MVD: variants seen among roughly 807,000 people sequenced by gnomAD.
MVD encodes mevalonate diphosphate decarboxylase.
A neutral mutation model predicts 42.4 loss-of-function variants in MVD; 52 were observed. The ratio of observed to expected loss-of-function variants is 1.23; its 90% confidence interval spans 0.98 to 1.55. The LOEUF (loss-of-function observed/expected upper bound fraction) is 1.55. Among genes scored for constraint, MVD ranks in the 40% most tolerant of loss-of-function variants. MVD has a pLI of 0.00. For missense variants in MVD, 663 were observed against 572.1 expected (o/e 1.16, Z -1.62); for synonymous variants, 287 against 243.2 (o/e 1.18, Z -1.68).
chr16:88,653,627 G>A (rs532612121), intron 8 of MVD: 18 of 527,484 alleles, frequency 3.4e-5, no homozygotes, highest in Non-Finnish European at 4.0e-5. Flanking sequence ...CCCTGTGAAT[G>A]TCCTCAACAC....
In MVD at chr16:88,655,199, C is replaced by A; in HGVS notation, c.897G>T (p.Lys299Asn). 6.4e-7 allele frequency: 1 copy of A among 1,558,468 alleles called. No individual in the cohort carries two copies. The highest frequency in any genetic ancestry group is 2.4e-5 in the East Asian group (1 of 41,640). The change falls in exon 7 of 10, where the codon AAG becomes AAT. Residue 299 changes from lysine (K) to asparagine (N), a missense_variant and splice_region_variant. Transcript: ENST00000301012. The stretch of plus-strand genomic sequence containing the variant: ...CCTCTGCCCTCCCGGCCCGCGTCAC[C>A]TTGGTGTCCCCGTGGTGGGCGTTGA... ...HRFNAHHGDT[K>N]VAYTFDAGPN...
chr16:88,659,756 G>A (rs1006287086), intron 1 of MVD, among the ~76,000 whole-genome samples: 4 of 151,916 alleles, frequency 2.6e-5, no homozygotes, highest in African/African-American at 4.8e-5. Flanking sequence ...ACCTGAGGTC[G>A]GGAGTTTGAG....
In MVD at chr16:88,652,532, G is replaced by A; in HGVS notation, c.1196C>T (p.Ala399Val). ...LLGPDGLPKPAA is the reference protein window; with the variant it reads ...LLGPDGLPKPVA ...CGGTCCCTGCTGAGGCAGTCAGGCA[G>A]CTGGCTTCGGCAGGCCGTCAGGACC... is the stretch of plus-strand genomic sequence containing the variant. Residue 399 changes from alanine (A) to valine (V), a missense_variant, in exon 10 of 10, where the codon GCT (alanine) becomes GTT (valine). By Grantham distance (64) the Ala-to-Val change is moderately conservative. Coordinates refer to ENST00000301012, the MANE Select transcript of MVD (RefSeq NM_002461.3). The A allele has an allele frequency of 8.3e-6, 13 of 1,571,550 alleles. No homozygotes were observed. Among genetic ancestry groups the A allele is most frequent in the South Asian group, 2.3e-5 (2 of 85,714 alleles).
At chr16:88,652,739 C>T (rs1045867851) in intron 9 of MVD, 134 bp from the exon 10 acceptor site, 16 of 847,370 alleles carry the variant, frequency 1.9e-5, no homozygotes, top group South Asian at 5.3e-5. Context: ...GAAGGTAAAG[C>T]GCCTGAGTGG....
chr16:88,654,790 G>A lies in MVD; in HGVS notation c.915C>T (p.Asp305=), dbSNP rs191249150. 19 of 1,581,198 alleles carry A rather than the reference G, an allele frequency of 1.2e-5. No homozygotes were observed. The Middle Eastern group carries it at 5.0e-4, about 42-fold the overall frequency. The change falls in exon 8 of 10, where the codon GAC becomes GAT. Residue 305 remains aspartate (D), a synonymous_variant. Coordinates refer to ENST00000301012, the MANE Select transcript of MVD (RefSeq NM_002461.3). ...TGAAGATCACGGCATTGGGGCCCGCGTCAAAGGTGTACGCCACCTGGAACC... is the reference window on the plus strand; with the variant it reads ...TGAAGATCACGGCATTGGGGCCCGCATCAAAGGTGTACGCCACCTGGAACC... ...HGDTKVAYTF[D]AGPNAVIFTL... is the part of the protein sequence containing the mutation.
intron 7 of MVD, 29 bp downstream of exon 7, chr16:88,655,170 G>T (rs761226669): frequency 6.5e-7 from 1 of 1,549,038 alleles, no homozygotes; most frequent in Non-Finnish European, 8.7e-7. Flanking sequence ...CAGCGCGAGC[G>T]CAGCCTCTGC....
chr16:88,658,623 G>A, intron 2 of MVD, 27 bp downstream of exon 2: 1 of 1,606,264 alleles, frequency 6.2e-7, no homozygotes, highest in Non-Finnish European at 8.5e-7. Context: ...ATGGCACTGT[G>A]GTGTTTAGTC....
At chr16:88,658,828 C>A (rs1908111264) in intron 1 of MVD, 108 bp from the exon 2 acceptor site, 2 of 812,178 alleles carry the variant, frequency 2.5e-6, no homozygotes, top group African/African-American at 1.8e-5. Context: ...CCGCCTCAGT[C>A]CCGTCTCTCA....
intron 2 of MVD, 49 bp downstream of exon 2, chr16:88,658,601 A>G (rs1436675372): frequency 6.3e-6 from 10 of 1,577,046 alleles, no homozygotes; most frequent in Non-Finnish European, 8.7e-6. Context: ...CTGTTCTACA[A>G]ATGTTCTGGA....
At chr16:88,656,937 G>C (rs1907965768) in intron 4 of MVD, 1 of 320,166 alleles carries the variant, frequency 3.1e-6, no homozygotes. Flanking sequence ...CTGCCAGCAA[G>C]TGGCCTGGGG....
At chr16:88,658,979 T>G in intron 1 of MVD, 3 of 462,556 alleles carry the variant, frequency 6.5e-6, no homozygotes, top group Non-Finnish European at 8.1e-6. Flanking sequence ...TCGCTTCTAC[T>G]CCAGCATCCG....
In MVD at chr16:88,652,545, G is replaced by A. The variant is rs1209105877; in HGVS notation, c.1183C>T (p.Leu395=). 18 of 1,573,650 alleles carry A rather than the reference G, an allele frequency of 1.1e-5. No homozygotes were observed. Among genetic ancestry groups the A allele is most frequent in the Non-Finnish European group, 1.5e-5 (17 of 1,159,446 alleles). ...GGCAGTCAGGCAGCTGGCTTCGGCA[G>A]GCCGTCAGGACCCAGGAGGTGGGCG... ...PCAHLLGPDG[L]PKPAA is the part of the protein sequence containing the mutation. Residue 395 remains leucine (L), a synonymous_variant, in exon 10 of 10, where the codon CTG becomes TTG. Transcript: ENST00000301012.
chr16:88,658,457 G>T (rs1193386960), intron 2 of MVD, among the ~76,000 whole-genome samples, 193 bp downstream of exon 2: 1 of 151,998 alleles, frequency 6.6e-6, no homozygotes, highest in East Asian at 1.9e-4. Flanking sequence ...CAGAGACAGG[G>T]TCTCACTCTG....
chr16:88,653,044 C>T (rs1056301761), intron 9 of MVD, among the ~76,000 whole-genome samples: 1 of 152,162 alleles, frequency 6.6e-6, no homozygotes, highest in African/African-American at 2.4e-5. Context: ...GGGTCTGATA[C>T]TCCCCACCTG....
At position 88,652,457 on chromosome 16, in the gene MVD, C is replaced by G; in HGVS notation, c.*68G>C. On this transcript the variant is annotated 3_prime_UTR_variant, in exon 10 of 10. Coordinates refer to ENST00000301012, the MANE Select transcript of MVD (RefSeq NM_002461.3). Reference sequence around the variant, plus strand: ...TGTCCCAGGAGTCCGGCCAGCCCACCACATCCGCTCCCTAGCTCCGGCGAG... The same window carrying G: ...TGTCCCAGGAGTCCGGCCAGCCCACGACATCCGCTCCCTAGCTCCGGCGAG... 1 of 1,515,748 alleles carries G rather than the reference C, an allele frequency of 6.6e-7. No individual in the cohort carries two copies. Among genetic ancestry groups the G allele is most frequent in the Non-Finnish European group, 9.0e-7 (1 of 1,116,570 alleles). The allele number at this position is 1,515,748 out of a possible 1,614,324, so 93.9% of individuals were successfully genotyped here. A position where few individuals can be genotyped will look rare whatever the true frequency, so the allele number is the denominator to read the frequency against.
chr16:88,658,076 G>A lies in MVD; in HGVS notation c.142-47C>T, dbSNP rs772306222. 1.2e-5 allele frequency: 19 copies of A among 1,563,838 alleles called. No homozygotes were observed. The Middle Eastern group carries it at 5.0e-4, about 41-fold the overall frequency. On this transcript the variant is annotated intron_variant, in intron 2 of 9. Coordinates refer to ENST00000301012, the MANE Select transcript of MVD (RefSeq NM_002461.3). ...ACCTCAGAGGCCAGCATTGAGGACC[G>A]ATGCCAGCCAGGTACCCCTTTCTAC...
At chr16:88,655,491 G>A in intron 6 of MVD, 74 bp from the exon 7 acceptor site, 1 of 1,522,388 alleles carries the variant, frequency 6.6e-7, no homozygotes, top group Non-Finnish European at 8.8e-7. Flanking sequence ...GAGACTCCGG[G>A]GTTGGAGGCC....
intron 4 of MVD, chr16:88,657,130 T>A: frequency 2.2e-6 from 1 of 460,342 alleles, no homozygotes; most frequent in Non-Finnish European, 4.1e-6. Context: ...TTTGTAGAGA[T>A]GGGGGGGGGT....
At chr16:88,659,017 C>T in intron 1 of MVD, 2 of 412,374 alleles carry the variant, frequency 4.8e-6, no homozygotes, top group South Asian at 4.6e-5. Flanking sequence ...ATCGCTCCCA[C>T]CGCGGCCTGC....
Sources: gnomAD v4.1 joint callset for allele counts (sites outside exome capture counted in the v4.1 genomes callset) on GRCh38, gnomAD v4.1.1 for gene constraint, MANE v1.5 for transcripts, NCBI Gene and HGNC (gene_info 2026-07-23, HGNC 2026-07-21) for gene names.